Variants in TAOK1 observed in about 807,000 individuals in gnomAD.
TAOK1 encodes serine/threonine-protein kinase TAO1.
TAOK1 carries 21 observed loss-of-function variants against 138.3 expected under a neutral mutation model. The ratio of observed to expected loss-of-function variants is 0.15; its 90% confidence interval spans 0.11 to 0.22. The LOEUF is 0.22. Ranked by LOEUF, TAOK1 falls within the 10% of genes least tolerant of loss-of-function variation. The pLI is 1.00. For synonymous variants in TAOK1, 361 were observed against 398.4 expected, an observed-to-expected ratio of 0.91 and a Z score of 1.12; for missense variants, 651 against 1,227.7, an observed-to-expected ratio of 0.53 and a Z score of 7.02.
chr17:29,411,883 C>T (rs1490402850), intron 1 of TAOK1, among the ~76,000 whole-genome samples: 4 of 152,112 alleles, frequency 2.6e-5, no homozygotes, highest in Admixed American at 6.6e-5. Flanking sequence ...AACCAATCCT[C>T]CATATCTGTT....
intron 3 of TAOK1, among the ~76,000 whole-genome samples, chr17:29,471,782 A>G (rs2030824592): frequency 6.6e-6 from 1 of 152,188 alleles, no homozygotes; most frequent in South Asian, 2.1e-4. Flanking sequence ...TTCACAAAAG[A>G]TTTCTCTGTA....
At chr17:29,488,191 A>G (rs938301350) in intron 8 of TAOK1, among the ~76,000 whole-genome samples, 3 of 152,222 alleles carry the variant, frequency 2.0e-5, no homozygotes, top group African/African-American at 4.8e-5. Flanking sequence ...TAACCTATGC[A>G]TATCCTACCA....
Position 29,417,344 on chromosome 17 carries a change from T to C in TAOK1, c.-95+26320T>C, listed in dbSNP as rs1598472037. Among the ~76,000 whole-genome samples the C allele has an allele frequency of 3.3e-5, 5 of 152,138 alleles. No individual in the cohort carries two copies. In the East Asian group the frequency reaches 9.6e-4, roughly 29 times the overall value. On this transcript the variant is annotated intron_variant, in intron 1 of 19. Coordinates refer to ENST00000261716, the MANE Select transcript of TAOK1 (RefSeq NM_020791.4). Reference sequence around the variant, plus strand: ...CCCTCCATTTTTAAGTTGGGTTGTTTGTTTTCTTATTGTTTAGTTTTTAAT... The same window carrying C: ...CCCTCCATTTTTAAGTTGGGTTGTTCGTTTTCTTATTGTTTAGTTTTTAAT...
intron 3 of TAOK1, among the ~76,000 whole-genome samples, chr17:29,468,474 T>TAA (rs1198268877): frequency 2.0e-5 from 3 of 151,992 alleles, no homozygotes; most frequent in African/African-American, 7.3e-5. Flanking sequence ...ATTCTCTGTT[T>TAA]ATCTTGGAAA....
At chr17:29,435,180 G>A (rs567925447) in intron 1 of TAOK1, among the ~76,000 whole-genome samples, 11 of 152,208 alleles carry the variant, frequency 7.2e-5, no homozygotes, top group South Asian at 6.2e-4. Context: ...ACCCATCCCC[G>A]TTGTTCTTTC....
intron 13 of TAOK1, among the ~76,000 whole-genome samples, chr17:29,505,258 TC>T (rs1447444667): frequency 6.6e-6 from 1 of 152,126 alleles, no homozygotes; most frequent in East Asian, 1.9e-4. Context: ...AATGCACAGA[TC>T]TTAGGTATTC....
At chr17:29,467,518 C>T (rs772435806) in intron 3 of TAOK1, among the ~76,000 whole-genome samples, 14 of 152,140 alleles carry the variant, frequency 9.2e-5, no homozygotes, top group Non-Finnish European at 1.6e-4. Flanking sequence ...GTGATCTGCC[C>T]GCCTTGGCCT....
chr17:29,493,172 G>T (rs568751473), intron 10 of TAOK1, among the ~76,000 whole-genome samples: 37 of 151,376 alleles, frequency 2.4e-4, no homozygotes, highest in African/African-American at 7.8e-4. Context: ...AGACAATATT[G>T]TAAATAGTGG....
chr17:29,433,004 C>T (rs1015858708), intron 1 of TAOK1, among the ~76,000 whole-genome samples: 1 of 152,142 alleles, frequency 6.6e-6, no homozygotes, highest in Non-Finnish European at 1.5e-5. Flanking sequence ...AAGCAGTCCT[C>T]CTGCCTCGGC....
chr17:29,467,608 A>G (rs1208358413), intron 3 of TAOK1, among the ~76,000 whole-genome samples: 2 of 152,044 alleles, frequency 1.3e-5, no homozygotes, highest in African/African-American at 2.4e-5. Context: ...AGAGGAAGAC[A>G]TAATTTTTAA....
intron 19 of TAOK1, among the ~76,000 whole-genome samples, chr17:29,537,236 A>G (rs1452663324): frequency 6.6e-6 from 1 of 152,250 alleles, no homozygotes; most frequent in Non-Finnish European, 1.5e-5. Context: ...GTTAATACAA[A>G]GCCATTACAA....
At chr17:29,409,202 T>C (rs1040404778) in intron 1 of TAOK1, among the ~76,000 whole-genome samples, 3 of 151,844 alleles carry the variant, frequency 2.0e-5, no homozygotes, top group Middle Eastern at 3.4e-3. Flanking sequence ...TGTTTGGATA[T>C]ATCACTGTTT....
intron 8 of TAOK1, among the ~76,000 whole-genome samples, chr17:29,488,341 C>T (rs1282927264): frequency 2.0e-5 from 3 of 151,898 alleles, no homozygotes; most frequent in Non-Finnish European, 2.9e-5. Context: ...GAGGCCGAGA[C>T]GGGTAGATCA....
rs1338483433 is a variant in TAOK1 at position 29,504,348 on chromosome 17, A to AAAGGAAGG, written c.1338+1629_1338+1636dup. 2.7e-5 allele frequency among the ~76,000 whole-genome samples: 4 copies of AAAGGAAGG among 150,636 alleles called. No individual in the cohort carries two copies. The Admixed American group carries it at 2.7e-4, about 10-fold the overall frequency. On this transcript the variant is annotated intron_variant, in intron 13 of 19. Transcript: ENST00000261716. ...AAAGAAAAGAAGAGAGAGAGAAAAG[A>AAAGGAAGG]AAGGAAGGAAGAAAGGAAAGGAAGG...
chr17:29,405,048 C>T (rs911377367), intron 1 of TAOK1, among the ~76,000 whole-genome samples: 1 of 152,092 alleles, frequency 6.6e-6, no homozygotes, highest in Non-Finnish European at 1.5e-5. Context: ...GGCATGATCT[C>T]GGCTCACCGC....
At chr17:29,527,920 C>T (rs901378866) in intron 17 of TAOK1, among the ~76,000 whole-genome samples, 2 of 152,208 alleles carry the variant, frequency 1.3e-5, no homozygotes, top group South Asian at 2.1e-4. Flanking sequence ...TAAATATTTT[C>T]ATCTCAGAAA....
intron 15 of TAOK1, among the ~76,000 whole-genome samples, chr17:29,516,605 C>T (rs1008504814): frequency 4.6e-5 from 7 of 150,758 alleles, no homozygotes; most frequent in African/African-American, 9.8e-5. Context: ...TGGGTTCAAG[C>T]GATTCTCTGC....
chr17:29,415,234 C>T (rs1905241101), intron 1 of TAOK1, among the ~76,000 whole-genome samples: 4 of 152,174 alleles, frequency 2.6e-5, no homozygotes, highest in Admixed American at 2.6e-4. Context: ...CTCCAGAGTG[C>T]TGGGATTACA....
intron 17 of TAOK1, among the ~76,000 whole-genome samples, chr17:29,524,010 A>C (rs1053733741): frequency 2.6e-5 from 4 of 152,208 alleles, no homozygotes; most frequent in African/African-American, 9.6e-5. Context: ...ACCCAACTCC[A>C]TTCAAACAAG....
Sources: gnomAD v4.1 joint callset for allele counts (sites outside exome capture counted in the v4.1 genomes callset) on GRCh38, gnomAD v4.1.1 for gene constraint, MANE v1.5 for transcripts, NCBI Gene and HGNC (gene_info 2026-07-23, HGNC 2026-07-21) for gene names.